NTRK3: variants seen among roughly 807,000 people sequenced by gnomAD.
The protein encoded by NTRK3 is neurotrophic receptor tyrosine kinase 3, also known as NT-3 growth factor receptor.
NTRK3 carries 24 observed loss-of-function variants against 91.7 expected under a neutral mutation model. The observed-to-expected ratio is 0.26, with a 90% CI of 0.19 to 0.37. NTRK3 has a LOEUF of 0.37. Ranked by LOEUF, NTRK3 falls within the 10% of genes least tolerant of loss-of-function variation. NTRK3 has a pLI of 1.00. For missense variants in NTRK3, 880 were observed against 1,068.9 expected, an observed-to-expected ratio of 0.82 and a Z score of 2.46; for synonymous variants, 483 against 404.0, an observed-to-expected ratio of 1.20 and a Z score of -2.34.
In NTRK3 at chr15:88,126,384, CCAGAAA is replaced by C; in HGVS notation, c.1294-17_1294-12del. 1.3e-6 allele frequency: 2 copies of C among 1,587,140 alleles called. No individual in the cohort carries two copies. Among genetic ancestry groups the C allele is most frequent in the Non-Finnish European group, 1.7e-6 (2 of 1,155,700 alleles). On this transcript the variant is annotated splice_polypyrimidine_tract_variant and intron_variant, in intron 12 of 18. Coordinates refer to ENST00000394480, the Ensembl canonical transcript of NTRK3. ...AACTGCTATGGATACCTGTGAGGAA[CCAGAAA>C]CAGAGAGTCAGCAACAATCACAGAA...
intron 14 of NTRK3, among the ~76,000 whole-genome samples, chr15:87,948,985 C>A (rs2070837238): frequency 6.6e-6 from 1 of 152,114 alleles, no homozygotes; most frequent in Non-Finnish European, 1.5e-5. Flanking sequence ...AGTCAAAAGG[C>A]CAAAAGTCAA....
At chr15:88,113,277 C>A (rs900797515) in intron 13 of NTRK3, among the ~76,000 whole-genome samples, 1 of 149,966 alleles carries the variant, frequency 6.7e-6, no homozygotes, top group Non-Finnish European at 1.5e-5. Flanking sequence ...ATAGAAGGAG[C>A]TCTTGGTAGA....
chr15:88,256,143 G>C, exon 3 of NTRK3: 6 of 1,553,766 alleles, frequency 3.9e-6, no homozygotes, highest in Non-Finnish European at 5.2e-6. Context: ...TGGGCAAAGA[G>C]AGACATCCAT....
chr15:88,086,407 A>T (rs2048502499), intron 13 of NTRK3, among the ~76,000 whole-genome samples: 1 of 152,182 alleles, frequency 6.6e-6, no homozygotes, highest in Admixed American at 6.5e-5. Context: ...CAAAAAAAAG[A>T]TTTAAAACAT....
At chr15:87,941,381 T>A (rs920586942) in intron 14 of NTRK3, among the ~76,000 whole-genome samples, 2 of 152,008 alleles carry the variant, frequency 1.3e-5, no homozygotes, top group Non-Finnish European at 2.9e-5. Context: ...GAAGATTAAA[T>A]GAGATAATCC....
At chr15:87,958,507 G>GA (rs2071906192) in intron 14 of NTRK3, among the ~76,000 whole-genome samples, 1 of 151,834 alleles carries the variant, frequency 6.6e-6, no homozygotes, top group African/African-American at 2.4e-5. Context: ...TCTTCTCCTT[G>GA]AATCTGACCT....
chr15:87,984,519 G>C (rs933911995), intron 14 of NTRK3, among the ~76,000 whole-genome samples: 2 of 152,238 alleles, frequency 1.3e-5, no homozygotes, highest in South Asian at 4.1e-4. Flanking sequence ...GCCGAGGTGA[G>C]TGAGCCCCAA....
At chr15:87,884,918 G>C (rs1320649956) in intron 17 of NTRK3, among the ~76,000 whole-genome samples, 2 of 151,666 alleles carry the variant, frequency 1.3e-5, no homozygotes, top group Non-Finnish European at 3.0e-5. Context: ...TTTTCAAGAG[G>C]TCCTAACCAA....
intron 17 of NTRK3, among the ~76,000 whole-genome samples, chr15:87,906,808 T>C (rs2141698257): frequency 6.6e-6 from 1 of 152,282 alleles, no homozygotes; most frequent in South Asian, 2.1e-4. Context: ...AGTACTTCTT[T>C]TTCTCCTCTC....
chr15:87,909,855 G>C (rs2066985426), intron 17 of NTRK3, among the ~76,000 whole-genome samples: 1 of 152,224 alleles, frequency 6.6e-6, no homozygotes, highest in African/African-American at 2.4e-5. Context: ...CCATGTGCAA[G>C]ACAAAGAGCG....
intron 14 of NTRK3, among the ~76,000 whole-genome samples, chr15:87,988,086 A>T (rs1360656321): frequency 6.6e-6 from 1 of 152,176 alleles, no homozygotes; most frequent in East Asian, 1.9e-4. Flanking sequence ...AGTGGAGAAA[A>T]CTGACAAACA....
exon 19 of NTRK3, chr15:87,864,843 A>T: frequency 4.4e-6 from 1 of 229,026 alleles, no homozygotes; most frequent in Non-Finnish European, 8.7e-6. Flanking sequence ...AACTGCCCAG[A>T]GAGTGGGCTC....
intron 3 of NTRK3, among the ~76,000 whole-genome samples, chr15:88,192,833 C>T (rs934525197): frequency 2.0e-5 from 3 of 152,132 alleles, no homozygotes; most frequent in African/African-American, 4.8e-5. Context: ...ATCACCTTCT[C>T]GGAGAAGCCT....
At chr15:87,916,570 G>A (rs899591727) in intron 17 of NTRK3, 1 of 702,102 alleles carries the variant, frequency 1.4e-6, no homozygotes, top group Non-Finnish European at 2.6e-6. Context: ...CCTTCAATGA[G>A]AGAAGAAAAC....
At chr15:87,868,325 C>T (rs2064743054) in exon 19 of NTRK3, 1 of 227,298 alleles carries the variant, frequency 4.4e-6, no homozygotes, top group Non-Finnish European at 8.7e-6. Flanking sequence ...ATGATTTTTA[C>T]CTTTTTCAGC....
exon 3 of NTRK3, chr15:88,256,112 C>A: frequency 6.2e-7 from 1 of 1,612,084 alleles, no homozygotes; most frequent in Non-Finnish European, 8.5e-7. Context: ...GCAAGAAAAT[C>A]CGCCAGAAAC....
At chr15:87,941,065 G>A (rs779606912) in intron 14 of NTRK3, among the ~76,000 whole-genome samples, 6 of 152,144 alleles carry the variant, frequency 3.9e-5, no homozygotes, top group Non-Finnish European at 8.8e-5. Flanking sequence ...AGTTGTTGGA[G>A]ATAGCACAAA....
At chr15:88,220,767 G>A (rs1245492322) in intron 3 of NTRK3, among the ~76,000 whole-genome samples, 2 of 152,154 alleles carry the variant, frequency 1.3e-5, no homozygotes, top group African/African-American at 4.8e-5. Flanking sequence ...CCTCAAGCCA[G>A]AGGAATGCTG....
chr15:87,880,644 G>A (rs2065191607), intron 17 of NTRK3, among the ~76,000 whole-genome samples: 1 of 152,224 alleles, frequency 6.6e-6, no homozygotes, highest in Admixed American at 6.5e-5. Flanking sequence ...TAACACCTGA[G>A]GGAAGGTAGG....
Sources: allele counts gnomAD v4.1 joint callset (sites outside exome capture counted in the v4.1 genomes callset), GRCh38; gene constraint gnomAD v4.1.1; transcripts MANE v1.5; gene names NCBI Gene and HGNC (gene_info 2026-07-23, HGNC 2026-07-21).